KIF26A: variants seen among roughly 807,000 people sequenced by gnomAD.
The protein encoded by KIF26A is kinesin family member 26A.
KIF26A carries 74 observed loss-of-function variants against 126.0 expected under a neutral mutation model. That is an observed-to-expected ratio of 0.59 (90% CI 0.49 to 0.71). The LOEUF (loss-of-function observed/expected upper bound fraction) is 0.71. KIF26A is among the 30% of genes least tolerant of loss of function. The pLI is 0.00. For synonymous variants in KIF26A, 1,445 were observed against 1,232.7 expected (o/e 1.17, Z -3.61); for missense variants, 2,984 against 2,763.3 (o/e 1.08, Z -1.79).
chr14:104,164,413 C>T (rs118114904), intron 4 of KIF26A, among the ~76,000 whole-genome samples: 1,972 of 152,204 alleles, frequency 0.013, 19 homozygotes, highest in Non-Finnish European at 0.021. Flanking sequence ...TGTGTGTGTT[C>T]GTTCACCCCT....
rs746117357 is a variant in KIF26A, at chr14:104,152,149, C to T, written c.423C>T (p.His141=). The T allele has an allele frequency of 1.9e-6, 3 of 1,610,750 alleles. No homozygotes were observed. The highest frequency in any genetic ancestry group is 2.5e-6 in the Non-Finnish European group (3 of 1,179,350). Residue 141 remains histidine (H), a synonymous_variant, in exon 3 of 15, where the codon CAC becomes CAT. Coordinates refer to ENST00000423312, the MANE Select transcript of KIF26A (RefSeq NM_015656.2). The surrounding 1 kb of genome is among the most constrained non-coding windows in gnomAD (Gnocchi z 5.9). ...HLQQLTREAM[H]LLQAPASHED... is the part of the protein sequence containing the mutation. Reference sequence around the variant, plus strand: ...AGCAGCTCACACGGGAGGCCATGCACCTGCTGCAGGCCCCTGCCAGCCATG... The same window carrying T: ...AGCAGCTCACACGGGAGGCCATGCATCTGCTGCAGGCCCCTGCCAGCCATG...
Position 104,177,866 on chromosome 14 carries a change from G to C in KIF26A, c.5078G>C (p.Arg1693Pro). ...GCTGCCTCCCCAGGCGCCCGCACCC[G>C]CAGCCTCAAGTCCCCCAAGAAGAGG... ...SGAASPGARTRSLKSPKKRAT... is the reference protein window; with the variant it reads ...SGAASPGARTPSLKSPKKRAT... The change falls in exon 12 of 15, where the codon CGC becomes CCC. Residue 1693 changes from arginine (R) to proline (P), a missense_variant. Coordinates refer to ENST00000423312, the MANE Select transcript of KIF26A (RefSeq NM_015656.2). 6.4e-7 allele frequency: 1 copy of C among 1,553,412 alleles called. No individual in the cohort carries two copies. Among genetic ancestry groups the C allele is most frequent in the Non-Finnish European group, 8.6e-7 (1 of 1,156,580 alleles).
At chr14:104,159,010 G>C (rs551671883) in intron 4 of KIF26A, among the ~76,000 whole-genome samples, 1 of 152,212 alleles carries the variant, frequency 6.6e-6, no homozygotes, top group Non-Finnish European at 1.5e-5. Flanking sequence ...TATCAGCGCC[G>C]GCCCTGGGGA....
chr14:104,169,154 G>A (rs1298916787), intron 5 of KIF26A, among the ~76,000 whole-genome samples: 1 of 152,202 alleles, frequency 6.6e-6, no homozygotes, highest in Non-Finnish European at 1.5e-5. Flanking sequence ...CGCTGCCCTG[G>A]CCACGTGGGC....
rs2038034618 is a variant in KIF26A at position 104,176,805 on chromosome 14, C to T, written c.4017C>T (p.Ser1339=). 7 of 1,564,002 alleles carry T rather than the reference C, an allele frequency of 4.5e-6. No individual in the cohort carries two copies. Among genetic ancestry groups the T allele is most frequent in the Non-Finnish European group, 6.1e-6 (7 of 1,155,588 alleles). Residue 1339 remains serine (S), a synonymous_variant, in exon 12 of 15, where the codon TCC becomes TCT. Transcript: ENST00000423312. ...CCTGCTCGGGGAGCCTGAAGGCCTC[C>T]CCCACCAGCAAGAAGGGTCTGGCTC... ...VVACSGSLKA[S]PTSKKGLAPK...
At position 104,177,757 on chromosome 14, in the gene KIF26A, A is replaced by T; in HGVS notation, c.4969A>T (p.Ser1657Cys). The T allele has an allele frequency of 6.5e-7, 1 of 1,546,896 alleles. No homozygotes were observed. The highest frequency in any genetic ancestry group is 8.7e-7 in the Non-Finnish European group (1 of 1,153,480). The change falls in exon 12 of 15, where the codon AGC becomes TGC. Residue 1657 changes from serine to cysteine, a missense_variant. Ser to Cys is a moderately radical substitution (Grantham distance 112). Transcript: ENST00000423312. The part of the protein sequence containing the change: ...RTALFHHSGG[S>C]SGYESLRRDS... Reference sequence around the variant, plus strand: ...CGCCCTTTTCCACCACAGCGGTGGCAGCAGTGGCTATGAGAGCCTGCGGCG... The same window carrying T: ...CGCCCTTTTCCACCACAGCGGTGGCTGCAGTGGCTATGAGAGCCTGCGGCG...
At chr14:104,174,104 C>CTCCCT in intron 10 of KIF26A, 44 bp from the exon 11 acceptor site, 1 of 1,495,204 alleles carries the variant, frequency 6.7e-7, no homozygotes, top group Non-Finnish European at 9.0e-7. Flanking sequence ...GTCCCCGAAG[C>CTCCCT]TCCCTTCCCA....
intron 5 of KIF26A, 21 bp from the exon 6 acceptor site, chr14:104,171,702 T>G (rs748713149): frequency 6.5e-7 from 1 of 1,539,926 alleles, no homozygotes; most frequent in Non-Finnish European, 8.8e-7. Flanking sequence ...GCTTCTCAGG[T>G]GCCGCCCACC....
At chr14:104,178,866 G>T (rs966519489) in intron 13 of KIF26A, 111 bp downstream of exon 13, 6 of 651,684 alleles carry the variant, frequency 9.2e-6, no homozygotes, top group Non-Finnish European at 1.5e-5. Flanking sequence ...TGGCTGGGCA[G>T]CCCCTGACCT....
Position 104,139,189 on chromosome 14 carries a change from G to A in KIF26A, c.189G>A (p.Ser63=). 1.3e-6 allele frequency: 2 copies of A among 1,546,366 alleles called. No homozygotes were observed. ...GGGCCGGCCCAGAGCAGGGCCACTCGGCCGGCGGAGGCGGCTGGTGCCGCC... is the reference window on the plus strand; with the variant it reads ...GGGCCGGCCCAGAGCAGGGCCACTCAGCCGGCGGAGGCGGCTGGTGCCGCC... ...GAGAGPEQGH[S]AGGGGWCRHC... Residue 63 remains serine (S), a synonymous_variant, in exon 2 of 15, where the codon TCG becomes TCA. Coordinates refer to ENST00000423312, the MANE Select transcript of KIF26A (RefSeq NM_015656.2).
intron 2 of KIF26A, among the ~76,000 whole-genome samples, chr14:104,140,698 G>A (rs983100635): frequency 5.3e-5 from 8 of 152,146 alleles, no homozygotes; most frequent in Non-Finnish European, 1.0e-4. Flanking sequence ...TCATCTAGGG[G>A]GGTGTCTTGG....
chr14:104,174,728 T>G (rs1307642110), intron 11 of KIF26A, among the ~76,000 whole-genome samples: 3 of 152,154 alleles, frequency 2.0e-5, no homozygotes, highest in Admixed American at 1.3e-4. Flanking sequence ...CACACATGCT[T>G]GTCTTTTGAG....
At chr14:104,179,029 C>T (rs964564986) in intron 13 of KIF26A, among the ~76,000 whole-genome samples, 1 of 152,148 alleles carries the variant, frequency 6.6e-6, no homozygotes, top group Non-Finnish European at 1.5e-5. Context: ...TCTCCCCTGT[C>T]GTGGGGAGGG....
intron 3 of KIF26A, among the ~76,000 whole-genome samples, chr14:104,157,315 G>GT (rs1483379187): frequency 2.0e-5 from 3 of 152,192 alleles, no homozygotes; most frequent in Admixed American, 2.0e-4. Context: ...AATAGTTATC[G>GT]TGGTTTCTTC....
chr14:104,171,356 G>A (rs1047222069), intron 5 of KIF26A, among the ~76,000 whole-genome samples: 12 of 152,372 alleles, frequency 7.9e-5, no homozygotes, highest in African/African-American at 2.4e-4. Flanking sequence ...GGCTGGGCCA[G>A]GGGGCCATGC....
intron 2 of KIF26A, among the ~76,000 whole-genome samples, chr14:104,143,618 G>A (rs1158396294): frequency 7.9e-5 from 12 of 152,208 alleles, no homozygotes; most frequent in Non-Finnish European, 1.6e-4. Context: ...CCCCCAAATA[G>A]GCAATGGTCC....
chr14:104,140,056 G>A (rs945127940), intron 2 of KIF26A, among the ~76,000 whole-genome samples: 3 of 152,188 alleles, frequency 2.0e-5, no homozygotes, highest in Non-Finnish European at 4.4e-5. Flanking sequence ...GCCCGCTGCC[G>A]GGCCTTCAGC....
chr14:104,164,879 C>G (rs1475482812), intron 4 of KIF26A, among the ~76,000 whole-genome samples: 1 of 147,332 alleles, frequency 6.8e-6, no homozygotes, highest in Admixed American at 6.9e-5. Flanking sequence ...GCCTGTGTCT[C>G]TCTGTATATG....
intron 2 of KIF26A, among the ~76,000 whole-genome samples, chr14:104,150,621 C>T (rs1252370701): frequency 2.6e-5 from 4 of 152,182 alleles, no homozygotes; most frequent in Non-Finnish European, 5.9e-5. Flanking sequence ...ACCCCCTCCC[C>T]GGGATAATGG....
Sources: allele counts gnomAD v4.1 joint callset (sites outside exome capture counted in the v4.1 genomes callset), GRCh38; gene constraint gnomAD v4.1.1; non-coding constraint Gnocchi (gnomAD v3.1); transcripts MANE v1.5; gene names NCBI Gene and HGNC (gene_info 2026-07-23, HGNC 2026-07-21).